Variants in PPARGC1A observed in about 807,000 individuals in gnomAD.
The protein encoded by PPARGC1A is peroxisome proliferator-activated receptor gamma coactivator 1-alpha.
In PPARGC1A, 25 loss-of-function variants were observed where a neutral mutation model predicts 88.7. The observed-to-expected ratio is 0.28, with a 90% CI of 0.21 to 0.39. The LOEUF (loss-of-function observed/expected upper bound fraction) is 0.39, where lower values mean the gene tolerates loss of function less well. Among genes scored for constraint, PPARGC1A ranks in the 10% least tolerant of loss-of-function variants. The pLI is 1.00. For synonymous variants in PPARGC1A, 363 were observed against 355.6 expected (o/e 1.02, Z -0.24); for missense variants, 880 against 968.7 (o/e 0.91, Z 1.22).
the PPARGC1A span, among the ~76,000 whole-genome samples, chr4:24,116,858 G>A: frequency 3.9e-4 from 59 of 152,182 alleles, no homozygotes; most frequent in East Asian, 1.9e-4. Flanking sequence ...ATTGCTCGTC[G>A]TACATTAAAA....
chr4:24,430,255 C>T, the PPARGC1A span, among the ~76,000 whole-genome samples: 1,232 of 110,716 alleles, frequency 0.011, 39 homozygotes, highest in East Asian at 0.12. Context: ...TTTTGTATTT[C>T]TTTTTTTTTT....
chr4:24,128,734 T>G, the PPARGC1A span, among the ~76,000 whole-genome samples: 1 of 152,154 alleles, frequency 6.6e-6, no homozygotes, highest in African/African-American at 2.4e-5. Flanking sequence ...ACAAAATCAA[T>G]TCTCTCCCCA....
chr4:24,186,353 C>T, the PPARGC1A span, among the ~76,000 whole-genome samples: 5 of 152,146 alleles, frequency 3.3e-5, no homozygotes, highest in Admixed American at 6.5e-5. Context: ...CTTCACCTCT[C>T]GCCTACTACA....
chr4:23,881,429 T>C (rs1715916385), intron 2 of PPARGC1A: 1 of 152,218 alleles, frequency 6.6e-6, no homozygotes, highest in African/African-American at 2.4e-5. Flanking sequence ...CAGAATTCCC[T>C]TTCTCAAATT....
the PPARGC1A span, among the ~76,000 whole-genome samples, chr4:24,094,888 T>A: frequency 6.6e-6 from 1 of 152,202 alleles, no homozygotes; most frequent in Non-Finnish European, 1.5e-5. Context: ...AAGGAAAGTA[T>A]GTATAATGAC....
chr4:24,386,331 C>A, the PPARGC1A span, among the ~76,000 whole-genome samples: 1 of 152,170 alleles, frequency 6.6e-6, no homozygotes, highest in Non-Finnish European at 1.5e-5. Flanking sequence ...AAAACCGGCA[C>A]AAGACAAGGA....
At chr4:24,335,672 C>G in the PPARGC1A span, among the ~76,000 whole-genome samples, 2 of 152,132 alleles carry the variant, frequency 1.3e-5, no homozygotes, top group Non-Finnish European at 2.9e-5. Context: ...GGGTACGTTA[C>G]AGAGGATCCT....
Position 23,884,729 on chromosome 4 carries a change from A to G in PPARGC1A, c.234+23T>C, listed in dbSNP as rs373913638. The G allele has an allele frequency of 3.8e-6, 6 of 1,591,496 alleles. No individual in the cohort carries two copies. In the African/African-American group the frequency reaches 8.1e-5, roughly 21 times the overall value. On this transcript the variant is annotated intron_variant, in intron 2 of 12. Transcript: ENST00000264867. Reference sequence around the variant, plus strand: ...CCAAGCCAAACTCAATGAAAAATTAATGTTTCCAAAGGATGTCCTTACCTC... The same window carrying G: ...CCAAGCCAAACTCAATGAAAAATTAGTGTTTCCAAAGGATGTCCTTACCTC...
chr4:23,973,956 A>C, the PPARGC1A span, among the ~76,000 whole-genome samples: 1 of 151,850 alleles, frequency 6.6e-6, no homozygotes, highest in African/African-American at 2.4e-5. Flanking sequence ...AAAAATAATA[A>C]AAAATAAAAA....
At chr4:23,920,825 A>G in the PPARGC1A span, among the ~76,000 whole-genome samples, 1 of 152,222 alleles carries the variant, frequency 6.6e-6, no homozygotes, top group Non-Finnish European at 1.5e-5. Context: ...GGACAGACTC[A>G]GGTTCCTATT....
chr4:24,029,556 A>G, the PPARGC1A span, among the ~76,000 whole-genome samples: 1 of 152,184 alleles, frequency 6.6e-6, no homozygotes, highest in Non-Finnish European at 1.5e-5. Context: ...CCCAATCTGA[A>G]TAATTGGAAT....
intron 2 of PPARGC1A, among the ~76,000 whole-genome samples, chr4:23,841,938 C>A (rs1436973825): frequency 3.9e-5 from 6 of 152,012 alleles, no homozygotes; most frequent in Non-Finnish European, 2.9e-5. Context: ...ACCCATTTAA[C>A]CCTATTATTA....
At chr4:23,819,452 C>T (rs1722583333) in intron 7 of PPARGC1A, among the ~76,000 whole-genome samples, 1 of 152,148 alleles carries the variant, frequency 6.6e-6, no homozygotes, top group African/African-American at 2.4e-5. Context: ...AATTCCCCAA[C>T]TCTTGCTCAT....
upstream of PPARGC1A, among the ~76,000 whole-genome samples, chr4:23,904,427 T>C (rs1345707605): frequency 1.3e-5 from 2 of 152,168 alleles, no homozygotes; most frequent in African/African-American, 4.8e-5. Context: ...GATGACACTT[T>C]ATCCCGGGAA....
the PPARGC1A span, among the ~76,000 whole-genome samples, chr4:24,305,196 CA>C: frequency 3.4e-5 from 5 of 148,578 alleles, no homozygotes; most frequent in South Asian, 1.1e-3. Flanking sequence ...TATATACTCC[CA>C]AAGTCGTGGT....
chr4:24,405,060 C>T, the PPARGC1A span, among the ~76,000 whole-genome samples: 1 of 152,124 alleles, frequency 6.6e-6, no homozygotes. Flanking sequence ...TAATTTCATA[C>T]AATTTTTGCA....
chr4:24,222,027 G>T, the PPARGC1A span, among the ~76,000 whole-genome samples: 1 of 152,126 alleles, frequency 6.6e-6, no homozygotes, highest in Admixed American at 6.5e-5. Flanking sequence ...TAACACACTG[G>T]GGGGAAGGTA....
At chr4:23,893,796 A>G (rs1226834678), upstream of PPARGC1A, among the ~76,000 whole-genome samples, 6 of 152,170 alleles carry the variant, frequency 3.9e-5, no homozygotes, top group Non-Finnish European at 8.8e-5. Flanking sequence ...TTCCATATAC[A>G]CTATTTATAC....
At chr4:24,030,634 C>A in the PPARGC1A span, among the ~76,000 whole-genome samples, 2 of 152,184 alleles carry the variant, frequency 1.3e-5, no homozygotes, top group African/African-American at 4.8e-5. Context: ...ATCCACAATT[C>A]TCACTTGTGT....
Sources: gnomAD v4.1 joint callset for allele counts (sites outside exome capture counted in the v4.1 genomes callset) on GRCh38, gnomAD v4.1.1 for gene constraint, MANE v1.5 for transcripts, NCBI Gene and HGNC (gene_info 2026-07-23, HGNC 2026-07-21) for gene names.